PCDHA10: variants seen among roughly 807,000 people sequenced by gnomAD.
The protein encoded by PCDHA10 is protocadherin alpha 10, also known as protocadherin alpha-10.
In PCDHA10, 45 loss-of-function variants were observed where a neutral mutation model predicts 61.2. The ratio of observed to expected loss-of-function variants is 0.74; its 90% CI spans 0.58 to 0.94. The LOEUF (loss-of-function observed/expected upper bound fraction) is 0.94. PCDHA10 is among the 40% of genes least tolerant of loss of function. The probability of loss-of-function intolerance (pLI) is 0.00; values close to 1 mark genes in which losing one functional copy is unlikely to be tolerated. For synonymous variants in PCDHA10, 602 were observed against 548.8 expected (o/e 1.10, Z -1.35); for missense variants, 1,278 against 1,236.2 (o/e 1.03, Z -0.51).
At chr5:140,881,623 A>G (rs1179461885) in intron 1 of PCDHA10, among the ~76,000 whole-genome samples, 1 of 152,188 alleles carries the variant, frequency 6.6e-6, no homozygotes, top group East Asian at 1.9e-4. Flanking sequence ...TCAAAATCTG[A>G]TATATCAGTT....
chr5:140,928,148 A>G (rs1228039818), intron 1 of PCDHA10: 1 of 1,614,054 alleles, frequency 6.2e-7, no homozygotes, highest in African/African-American at 1.3e-5. Context: ...ACGGCCTCAG[A>G]TAGTGGCTCA....
intron 2 of PCDHA10, among the ~76,000 whole-genome samples, chr5:140,979,714 T>G (rs1428916313): frequency 4.6e-5 from 7 of 152,270 alleles, no homozygotes; most frequent in African/African-American, 1.7e-4. Context: ...TGATCCAGTA[T>G]CCATGCCATG....
At chr5:140,938,835 CA>C (rs2092222540) in intron 1 of PCDHA10, among the ~76,000 whole-genome samples, 1 of 152,008 alleles carries the variant, frequency 6.6e-6, no homozygotes, top group African/African-American at 2.4e-5. Flanking sequence ...TGCGTTATAA[CA>C]AACCTGCCCA....
chr5:140,862,339 C>T (rs1221529489), intron 1 of PCDHA10: 2 of 332,834 alleles, frequency 6.0e-6, no homozygotes, highest in Non-Finnish European at 1.2e-5. Context: ...TTGACCCTAA[C>T]TTCAGTGCCA....
intron 3 of PCDHA10, among the ~76,000 whole-genome samples, chr5:140,983,261 CT>C (rs1240749572): frequency 7.9e-5 from 12 of 152,158 alleles, no homozygotes; most frequent in Admixed American, 7.9e-4. Context: ...TGTAAAAAAC[CT>C]AATGGCTGGG....
chr5:140,929,153 A>G (rs1554206749), intron 1 of PCDHA10: 1 of 1,614,164 alleles, frequency 6.2e-7, no homozygotes, highest in East Asian at 2.2e-5. Context: ...TCTCAGACTT[A>G]TCTCTATCGG....
In PCDHA10 at chr5:141,009,984, G is replaced by A. The variant is rs782207623; in HGVS notation, c.*47G>A. 6.3e-7 allele frequency: 1 copy of A among 1,581,532 alleles called. No homozygotes were observed. Among genetic ancestry groups the A allele is most frequent in the Admixed American group, 1.9e-5 (1 of 53,968 alleles). On this transcript the variant is annotated 3_prime_UTR_variant, in exon 4 of 4. Transcript: ENST00000307360. ...CACTTAGCCAGTTTTTGTAATAATG[G>A]CAAATCTCTCCCATGTAGCAATTCC... is the stretch of plus-strand genomic sequence containing the variant.
chr5:140,968,886 A>T, intron 1 of PCDHA10: 1 of 1,614,186 alleles, frequency 6.2e-7, no homozygotes, highest in Non-Finnish European at 8.5e-7. Flanking sequence ...ATTACCCTTT[A>T]TCTAATAATA....
chr5:141,003,520 C>T (rs1171208921), intron 3 of PCDHA10, among the ~76,000 whole-genome samples: 2 of 152,126 alleles, frequency 1.3e-5, no homozygotes, highest in Admixed American at 6.5e-5. Flanking sequence ...ACCATGTTCC[C>T]TAGGCTGGTC....
At chr5:140,858,863 A>T (rs1042514918) in intron 1 of PCDHA10, 3 of 258,704 alleles carry the variant, frequency 1.2e-5, no homozygotes, top group Admixed American at 5.3e-5. Context: ...CTCTTCAGTG[A>T]AAATGTGTTT....
intron 1 of PCDHA10, among the ~76,000 whole-genome samples, chr5:140,957,916 T>C (rs1554223208): frequency 6.6e-6 from 1 of 152,114 alleles, no homozygotes; most frequent in African/African-American, 2.4e-5. Context: ...TTGTTATCTA[T>C]GTATCAAGCT....
At chr5:140,875,735 C>T in intron 1 of PCDHA10, 1 of 1,614,232 alleles carries the variant, frequency 6.2e-7, no homozygotes. Context: ...TTTGTGAATT[C>T]TCGGATCGAC....
At chr5:140,966,882 C>A (rs782464160) in intron 1 of PCDHA10, 1 of 1,589,690 alleles carries the variant, frequency 6.3e-7, no homozygotes, top group Non-Finnish European at 8.5e-7. Context: ...CTACCTGGCC[C>A]TGCGGCCTCC....
chr5:140,944,744 A>G (rs1408016136), intron 1 of PCDHA10, among the ~76,000 whole-genome samples: 2 of 152,204 alleles, frequency 1.3e-5, no homozygotes, highest in East Asian at 3.8e-4. Context: ...CTGAGCATTT[A>G]CATGGAAAAA....
At chr5:140,937,890 C>G (rs1209951664) in intron 1 of PCDHA10, among the ~76,000 whole-genome samples, 1 of 145,964 alleles carries the variant, frequency 6.9e-6, no homozygotes, top group Non-Finnish European at 1.5e-5. Flanking sequence ...CCAGCCTGGG[C>G]GACAGAGTGA....
chr5:140,995,764 G>C (rs2097697128), intron 3 of PCDHA10, among the ~76,000 whole-genome samples: 1 of 152,134 alleles, frequency 6.6e-6, no homozygotes, highest in Non-Finnish European at 1.5e-5. Flanking sequence ...AGAAAATGTG[G>C]AGAGTGAAGG....
At chr5:140,957,725 A>T (rs1385506394) in intron 1 of PCDHA10, among the ~76,000 whole-genome samples, 1 of 152,156 alleles carries the variant, frequency 6.6e-6, no homozygotes, top group Non-Finnish European at 1.5e-5. Context: ...AAAGAAGCAG[A>T]ATTATATATA....
intron 1 of PCDHA10, chr5:140,882,711 C>A: frequency 6.2e-7 from 1 of 1,614,160 alleles, no homozygotes; most frequent in Non-Finnish European, 8.5e-7. Flanking sequence ...TCTAGACCTC[C>A]GGAAACTCGA....
At chr5:140,964,862 A>G (rs560839818) in intron 1 of PCDHA10, among the ~76,000 whole-genome samples, 1 of 152,316 alleles carries the variant, frequency 6.6e-6, no homozygotes, top group South Asian at 2.1e-4. Context: ...GGAAACAAAG[A>G]GGACAAATAA....
Sources: gnomAD v4.1 joint callset for allele counts (sites outside exome capture counted in the v4.1 genomes callset) on GRCh38, gnomAD v4.1.1 for gene constraint, MANE v1.5 for transcripts, NCBI Gene and HGNC (gene_info 2026-07-23, HGNC 2026-07-21) for gene names.